Variants in ARHGEF33 observed in about 807,000 individuals in gnomAD.
ARHGEF33 encodes DH and coiled-coil domain-containing protein ENSP00000381780.
ARHGEF33 carries 72 observed loss-of-function variants against 101.9 expected under a neutral mutation model. That is an observed-to-expected ratio of 0.71 (90% CI 0.58 to 0.86). The LOEUF is 0.86. ARHGEF33 is among the 40% of genes least tolerant of loss of function. ARHGEF33 has a pLI of 0.00. For missense variants in ARHGEF33, 1,169 were observed against 1,111.3 expected (o/e 1.05, Z -0.74); for synonymous variants, 499 against 442.5 (o/e 1.13, Z -1.60).
chr2:38,955,485 T>TTTTTTTG (rs1667717093), intron 13 of ARHGEF33, among the ~76,000 whole-genome samples: 1 of 113,718 alleles, frequency 8.8e-6, no homozygotes, highest in African/African-American at 3.4e-5. Context: ...AAAAGACTTT[T>TTTTTTTG]TTTTTTTTTT....
chr2:38,917,828 CA>C (rs537310536), intron 2 of ARHGEF33, among the ~76,000 whole-genome samples: 3,413 of 75,338 alleles, frequency 0.045, 27 homozygotes, highest in Middle Eastern at 0.15. Flanking sequence ...GACCTTGTCT[CA>C]AAAAAAAAAA....
At chr2:38,927,483 T>G (rs1666900621) in intron 4 of ARHGEF33, among the ~76,000 whole-genome samples, 1 of 152,114 alleles carries the variant, frequency 6.6e-6, no homozygotes. Flanking sequence ...ATCACCTGAG[T>G]TCAGGAGATC....
At chr2:38,965,641 G>T (rs964651922) in intron 16 of ARHGEF33, among the ~76,000 whole-genome samples, 2 of 152,206 alleles carry the variant, frequency 1.3e-5, no homozygotes, top group Non-Finnish European at 2.9e-5. Flanking sequence ...TTTCTAGCAC[G>T]ACAGTGTTGG....
chr2:38,929,453 G>A (rs763741500), intron 5 of ARHGEF33, among the ~76,000 whole-genome samples: 10 of 151,762 alleles, frequency 6.6e-5, no homozygotes, highest in South Asian at 2.1e-4. Context: ...AGAAAACTGC[G>A]TTTTTCCATA....
chr2:38,943,793 T>A, intron 9 of ARHGEF33, 108 bp from the exon 10 acceptor site: 2 of 1,059,020 alleles, frequency 1.9e-6, no homozygotes, highest in Non-Finnish European at 2.5e-6. Context: ...TGCAGATGGT[T>A]TTTTTTTTAT....
In ARHGEF33 at chr2:38,951,043, C is replaced by T. The variant is rs965178750; in HGVS notation, c.975C>T (p.His325=). ...TCCAGCAGCACCTGGATCTGCTTCA[C>T]GCACTGCAGGAAAGGGTCCTGAAGT... The part of the protein sequence containing the change: ...YLVQQHLDLL[H]ALQERVLKWP... Residue 325 remains histidine (H), a synonymous_variant, in exon 11 of 18, where the codon CAC becomes CAT. Coordinates refer to ENST00000409978, the MANE Select transcript of ARHGEF33 (RefSeq NM_001145451.5). The T allele has an allele frequency of 2.3e-5, 35 of 1,551,942 alleles. No individual in the cohort carries two copies. In the African/African-American group the frequency reaches 2.3e-4, roughly 10 times the overall value.
At chr2:38,911,301 C>A (rs1209108048) in intron 2 of ARHGEF33, among the ~76,000 whole-genome samples, 2 of 152,202 alleles carry the variant, frequency 1.3e-5, no homozygotes, top group African/African-American at 4.8e-5. Flanking sequence ...ACCCTCCCCC[C>A]AGCATAAAAA....
chr2:38,928,290 C>T (rs749252059), intron 4 of ARHGEF33, among the ~76,000 whole-genome samples: 2 of 152,116 alleles, frequency 1.3e-5, no homozygotes, highest in Non-Finnish European at 2.9e-5. Flanking sequence ...TTCTGAGCTC[C>T]TACCATACCC....
intron 3 of ARHGEF33, among the ~76,000 whole-genome samples, chr2:38,920,470 C>T (rs969050410): frequency 2.3e-5 from 3 of 131,590 alleles, no homozygotes; most frequent in Non-Finnish European, 3.1e-5. Flanking sequence ...CGCAATGGCA[C>T]GATCTCAACT....
chr2:38,890,531 C>T (rs1665972752), intron 1 of ARHGEF33, among the ~76,000 whole-genome samples: 2 of 152,192 alleles, frequency 1.3e-5, no homozygotes, highest in East Asian at 3.9e-4. Context: ...ATTGGTGAAA[C>T]CTAATTCTAA....
At chr2:38,966,591 G>C (rs116328246) in intron 17 of ARHGEF33, among the ~76,000 whole-genome samples, 1 of 152,260 alleles carries the variant, frequency 6.6e-6, no homozygotes, top group African/African-American at 2.4e-5. Flanking sequence ...TTGTCATCCT[G>C]GGTGCCAATT....
In ARHGEF33 at chr2:38,954,231, T is replaced by A. The variant is rs1056440445; in HGVS notation, c.1138-142T>A. 27 of 623,786 alleles carry A rather than the reference T, an allele frequency of 4.3e-5. No individual in the cohort carries two copies. The East Asian group carries it at 7.4e-4, about 17-fold the overall frequency. 38.6% of individuals were successfully genotyped at this position (623,786 alleles called of 1,614,324 possible). A position where few individuals can be genotyped will look rare whatever the true frequency, so the allele number is the denominator to read the frequency against. ...GTCCCTGAACATGTGGCCTCTCCTA[T>A]GAGACAGCAATGCTCTATGACAATC... On this transcript the variant is annotated intron_variant, in intron 12 of 17. Coordinates refer to ENST00000409978, the MANE Select transcript of ARHGEF33 (RefSeq NM_001145451.5).
At chr2:38,959,675 C>G in intron 15 of ARHGEF33, 166 bp from the exon 16 acceptor site, 1 of 721,568 alleles carries the variant, frequency 1.4e-6, no homozygotes, top group African/African-American at 1.8e-5. Flanking sequence ...CCACTCTCCG[C>G]CTGGGAACGG....
chr2:38,921,463 A>T, intron 4 of ARHGEF33, 40 bp downstream of exon 4: 1 of 1,326,488 alleles, frequency 7.5e-7, no homozygotes. Flanking sequence ...CCCATGTATA[A>T]TAGCAATGAC....
At position 38,958,016 on chromosome 2, in the gene ARHGEF33, T is replaced by C; in HGVS notation, c.1371-18T>C. On this transcript the variant is annotated intron_variant, in intron 14 of 17. Coordinates refer to ENST00000409978, the MANE Select transcript of ARHGEF33 (RefSeq NM_001145451.5). ...TTGCCACTGTACAACCTGAGAACTG[T>C]TATTTCCATTCTGTTAGGTCATCCA... 2 of 1,552,170 alleles carry C rather than the reference T, an allele frequency of 1.3e-6. No homozygotes were observed. Among genetic ancestry groups the C allele is most frequent in the Non-Finnish European group, 1.7e-6 (2 of 1,147,074 alleles).
chr2:38,916,360 T>G (rs1275757716), intron 2 of ARHGEF33, among the ~76,000 whole-genome samples: 1 of 152,230 alleles, frequency 6.6e-6, no homozygotes, highest in East Asian at 1.9e-4. Flanking sequence ...CTCATGTGCT[T>G]CTTTTACAAA....
At chr2:38,899,579 G>A (rs376563440) in intron 2 of ARHGEF33, among the ~76,000 whole-genome samples, 38 of 152,198 alleles carry the variant, frequency 2.5e-4, no homozygotes, top group African/African-American at 8.9e-4. Context: ...GAATGGAGAC[G>A]CGTTGGTCAA....
chr2:38,954,635 T>G (rs1211952977), intron 13 of ARHGEF33, among the ~76,000 whole-genome samples, 179 bp downstream of exon 13: 1 of 1,662 alleles, frequency 6.0e-4, no homozygotes, highest in African/African-American at 2.2e-3. Context: ...GCTAAAACCT[T>G]TTTTTTTTTT....
chr2:38,930,515 T>TA (rs1161572123), intron 6 of ARHGEF33, among the ~76,000 whole-genome samples: 5 of 151,222 alleles, frequency 3.3e-5, no homozygotes, highest in Admixed American at 6.6e-5. Flanking sequence ...CTAGCTAATT[T>TA]AAAAAAAAAT....
Sources: allele counts gnomAD v4.1 joint callset (sites outside exome capture counted in the v4.1 genomes callset), GRCh38; gene constraint gnomAD v4.1.1; transcripts MANE v1.5; gene names NCBI Gene and HGNC (gene_info 2026-07-23, HGNC 2026-07-21).